SOX5: variants seen among roughly 807,000 people sequenced by gnomAD.
SOX5 encodes the protein SRY-box transcription factor 5, also known as transcription factor SOX-5.
A neutral mutation model predicts 92.0 loss-of-function variants in SOX5; 9 were observed. That is an observed-to-expected ratio of 0.10 (90% CI 0.06 to 0.17). The LOEUF (loss-of-function observed/expected upper bound fraction) is 0.17, where lower values mean the gene tolerates loss of function less well. SOX5 is among the 10% of genes least tolerant of loss of function. SOX5 has a pLI of 1.00. For synonymous variants in SOX5, 344 were observed against 336.3 expected, an observed-to-expected ratio of 1.02 and a Z score of -0.25; for missense variants, 642 against 944.5, an observed-to-expected ratio of 0.68 and a Z score of 4.20.
chr12:23,688,571 A>G lies in SOX5; in HGVS notation c.811-23007T>C, dbSNP rs560523860. On this transcript the variant is annotated intron_variant, in intron 6 of 14. Coordinates refer to ENST00000451604, the MANE Select transcript of SOX5 (RefSeq NM_006940.6). ...CAGTATCTGCAACTAGTGGTTTCCT[A>G]TGCCTCACTTACATTCTATACCTCT... Among the ~76,000 whole-genome samples, 21 of 152,188 alleles carry G rather than the reference A, an allele frequency of 1.4e-4. No individual in the cohort carries two copies. In the South Asian group the frequency reaches 2.7e-3, roughly 20 times the overall value.
At chr12:23,689,087 A>G (rs538196082) in intron 6 of SOX5, among the ~76,000 whole-genome samples, 32 of 152,244 alleles carry the variant, frequency 2.1e-4, no homozygotes, top group African/African-American at 6.5e-4. Context: ...TCTTTCACAT[A>G]TCTAACGGTC....
chr12:24,438,217 G>C (rs1325846833), intron 1 of SOX5, among the ~76,000 whole-genome samples: 1 of 152,158 alleles, frequency 6.6e-6, no homozygotes, highest in Non-Finnish European at 1.5e-5. Context: ...TCACTCATAA[G>C]TGGGAGTTGA....
chr12:24,211,513 T>C (rs1958609921), intron 4 of SOX5, among the ~76,000 whole-genome samples: 1 of 152,278 alleles, frequency 6.6e-6, no homozygotes, highest in Admixed American at 6.5e-5. Context: ...TCTTGATTTC[T>C]TTGAATATTA....
chr12:24,387,330 A>T (rs1205750499), intron 1 of SOX5, among the ~76,000 whole-genome samples: 2 of 152,194 alleles, frequency 1.3e-5, no homozygotes, highest in South Asian at 4.1e-4. Flanking sequence ...ACAAATTTGC[A>T]AACTTTCTTA....
At chr12:24,267,011 T>C (rs191049593) in intron 3 of SOX5, among the ~76,000 whole-genome samples, 6 of 152,344 alleles carry the variant, frequency 3.9e-5, no homozygotes, top group Admixed American at 6.5e-5. Flanking sequence ...AGAATTCATA[T>C]TGGTAATGGT....
At chr12:24,235,922 G>T (rs1226228443) in intron 3 of SOX5, among the ~76,000 whole-genome samples, 3 of 152,142 alleles carry the variant, frequency 2.0e-5, no homozygotes, top group South Asian at 2.1e-4. Flanking sequence ...GGGTGTGGTG[G>T]CTCACGCCTG....
At chr12:24,260,048 G>T (rs184935561) in intron 3 of SOX5, among the ~76,000 whole-genome samples, 23 of 152,286 alleles carry the variant, frequency 1.5e-4, no homozygotes, top group Admixed American at 3.9e-4. Context: ...ATATTTCTTG[G>T]AAAGATAAGC....
chr12:24,080,890 A>C (rs1441702834), intron 4 of SOX5, among the ~76,000 whole-genome samples: 1 of 151,962 alleles, frequency 6.6e-6, no homozygotes, highest in African/African-American at 2.4e-5. Context: ...AAGTTAAAAA[A>C]CAACAACAAC....
At chr12:24,094,206 C>G (rs1268743687) in intron 4 of SOX5, among the ~76,000 whole-genome samples, 1 of 152,128 alleles carries the variant, frequency 6.6e-6, no homozygotes, top group Non-Finnish European at 1.5e-5. Flanking sequence ...CTCGGCCTAC[C>G]AAACTGCTGG....
At chr12:24,181,481 C>T (rs1308282192) in intron 4 of SOX5, among the ~76,000 whole-genome samples, 1 of 152,070 alleles carries the variant, frequency 6.6e-6, no homozygotes, top group African/African-American at 2.4e-5. Flanking sequence ...TCTTCTTTTG[C>T]CTGTTTATAT....
intron 3 of SOX5, among the ~76,000 whole-genome samples, chr12:24,274,328 C>T (rs539914534): frequency 2.3e-4 from 35 of 152,212 alleles, no homozygotes; most frequent in African/African-American, 7.2e-4. Context: ...ATTATTCTGT[C>T]TTCCTATTGA....
At position 23,653,041 on chromosome 12, in the gene SOX5, T is replaced by TGGATGGAC. The variant is rs1169395742; in HGVS notation, c.932-12145_932-12144insGTCCATCC. 2.1e-3 allele frequency among the ~76,000 whole-genome samples: 317 copies of TGGATGGAC among 150,960 alleles called. 3 individuals carry two copies. Among genetic ancestry groups the TGGATGGAC allele is most frequent in the Middle Eastern group, 0.017 (5 of 294 alleles). Reference sequence around the variant, plus strand: ...ATGAATGTACAGATAGATGGATGGATGGATGGATGGATGGATGGATGGATG... The same window carrying TGGATGGAC: ...ATGAATGTACAGATAGATGGATGGATGGATGGACGGATGGATGGATGGATGGATGGATG... On this transcript the variant is annotated intron_variant, in intron 7 of 14. Transcript: ENST00000451604.
At chr12:24,098,224 TAC>T (rs1259274396) in intron 4 of SOX5, among the ~76,000 whole-genome samples, 3 of 152,164 alleles carry the variant, frequency 2.0e-5, no homozygotes, top group African/African-American at 7.2e-5. Context: ...GCAATATCAA[TAC>T]ACACATCCTT....
At chr12:24,428,212 CA>C (rs75812981) in intron 1 of SOX5, among the ~76,000 whole-genome samples, 147 of 133,960 alleles carry the variant, frequency 1.1e-3, no homozygotes, top group Middle Eastern at 3.8e-3. Context: ...ACCCAAAAAC[CA>C]AAAAAAAAAA....
chr12:24,285,056 C>A (rs1264427521), intron 2 of SOX5, among the ~76,000 whole-genome samples: 2 of 151,910 alleles, frequency 1.3e-5, no homozygotes, highest in African/African-American at 4.8e-5. Context: ...ACCCTTGAAC[C>A]CGGGAGGTGG....
At chr12:24,005,506 A>G (rs1210001953) in intron 4 of SOX5, among the ~76,000 whole-genome samples, 1 of 152,168 alleles carries the variant, frequency 6.6e-6, no homozygotes, top group Admixed American at 6.6e-5. Context: ...TCTGGCATAC[A>G]GTTCCAGAAT....
intron 1 of SOX5, among the ~76,000 whole-genome samples, chr12:24,534,742 T>C (rs1455803253): frequency 2.6e-5 from 4 of 152,204 alleles, no homozygotes; most frequent in African/African-American, 9.6e-5. Context: ...CAGAAGTCTG[T>C]GCATCCAAAG....
At chr12:23,983,237 T>A (rs1949759172) in intron 4 of SOX5, among the ~76,000 whole-genome samples, 2 of 152,036 alleles carry the variant, frequency 1.3e-5, no homozygotes, top group Admixed American at 1.3e-4. Flanking sequence ...TTGAACAGAC[T>A]ATGTGGTGCT....
intron 4 of SOX5, among the ~76,000 whole-genome samples, chr12:23,993,889 ATG>A (rs1416496844): frequency 6.6e-6 from 1 of 151,772 alleles, no homozygotes; most frequent in African/African-American, 2.4e-5. Flanking sequence ...GTATGTATGT[ATG>A]TATGTATGTA....
Sources: gnomAD v4.1 joint callset for allele counts (sites outside exome capture counted in the v4.1 genomes callset) on GRCh38, gnomAD v4.1.1 for gene constraint, MANE v1.5 for transcripts, NCBI Gene and HGNC (gene_info 2026-07-23, HGNC 2026-07-21) for gene names.